The following TRPS1 variants were observed in gnomAD, a reference collection of about 807,000 sequenced individuals.
TRPS1 encodes the protein zinc finger transcription factor Trps1.
In TRPS1, 6 loss-of-function variants were observed where a neutral mutation model predicts 101.2. The ratio of observed to expected loss-of-function variants is 0.06; its 90% CI spans 0.03 to 0.12. The LOEUF is 0.12. Among genes scored for constraint, TRPS1 ranks in the 10% least tolerant of loss-of-function variants. The pLI, the probability that TRPS1 is intolerant of heterozygous loss-of-function variation, is 1.00. For missense variants in TRPS1, 1,363 were observed against 1,567.0 expected (o/e 0.87, Z 2.20); for synonymous variants, 578 against 589.8 (o/e 0.98, Z 0.29).
chr8:115,541,387 A>T (rs1816449991), intron 5 of TRPS1, among the ~76,000 whole-genome samples: 1 of 152,214 alleles, frequency 6.6e-6, no homozygotes, highest in African/African-American at 2.4e-5. Context: ...AACGATAAAG[A>T]ACAGGAAACT....
At chr8:115,615,058 A>G (rs551501667) in intron 3 of TRPS1, among the ~76,000 whole-genome samples, 1 of 152,310 alleles carries the variant, frequency 6.6e-6, no homozygotes, top group East Asian at 1.9e-4. Context: ...CAACACAGAA[A>G]TGTAACACTC....
At position 115,409,892 on chromosome 8, in the gene TRPS1, T is replaced by A. The variant is rs1377512630; in HGVS notation, c.*4131A>T. On this transcript the variant is annotated 3_prime_UTR_variant, in exon 7 of 7. Coordinates refer to ENST00000395715, the MANE Select transcript of TRPS1 (RefSeq NM_014112.5). ...GTCAGCAAGCTTTCACCTTACTGGC[T>A]CACCAAAGACGACTTGATCTTTTTT... 5 of 151,588 alleles carry A rather than the reference T, an allele frequency of 3.3e-5. No individual in the cohort carries two copies. Among genetic ancestry groups the A allele is most frequent in the Non-Finnish European group, 7.4e-5 (5 of 67,888 alleles). 9.4% of individuals were successfully genotyped at this position (151,588 alleles called of 1,614,324 possible). A position where few individuals can be genotyped will look rare whatever the true frequency, so the allele number is the denominator to read the frequency against.
intron 1 of TRPS1, among the ~76,000 whole-genome samples, chr8:115,656,414 C>A (rs1050806506): frequency 6.6e-6 from 1 of 152,028 alleles, no homozygotes; most frequent in Non-Finnish European, 1.5e-5. Context: ...TGTGTCTGGG[C>A]AGTATTTTAA....
intron 5 of TRPS1, among the ~76,000 whole-genome samples, chr8:115,543,692 G>A (rs1438491278): frequency 1.3e-5 from 2 of 151,982 alleles, no homozygotes; most frequent in Non-Finnish European, 2.9e-5. Context: ...TGTACCAGGA[G>A]AAGGTGAAAA....
chr8:115,503,794 T>C (rs780989655), intron 5 of TRPS1, among the ~76,000 whole-genome samples: 1 of 152,218 alleles, frequency 6.6e-6, no homozygotes, highest in Non-Finnish European at 1.5e-5. Flanking sequence ...TATGAGCTGA[T>C]AGAAAAGAAT....
intron 5 of TRPS1, among the ~76,000 whole-genome samples, chr8:115,468,942 C>A (rs978872544): frequency 2.0e-5 from 3 of 151,910 alleles, no homozygotes; most frequent in Non-Finnish European, 4.4e-5. Flanking sequence ...GAGTTTGAGA[C>A]CAGTCTGGGC....
chr8:115,467,278 T>C (rs1055971040), intron 5 of TRPS1, among the ~76,000 whole-genome samples: 1 of 152,122 alleles, frequency 6.6e-6, no homozygotes, highest in African/African-American at 2.4e-5. Flanking sequence ...AAAGCAGCTC[T>C]GGCCTGTGGA....
intron 5 of TRPS1, among the ~76,000 whole-genome samples, chr8:115,561,984 G>C (rs1312610673): frequency 3.9e-5 from 6 of 152,054 alleles, no homozygotes; most frequent in Non-Finnish European, 5.9e-5. Context: ...ACTTAATGAT[G>C]AACGAAGAAT....
chr8:115,436,711 G>C (rs1201392197), intron 5 of TRPS1, among the ~76,000 whole-genome samples: 1 of 152,080 alleles, frequency 6.6e-6, no homozygotes, highest in African/African-American at 2.4e-5. Context: ...CTGGGATCTT[G>C]TCAAAATGCA....
intron 4 of TRPS1, among the ~76,000 whole-genome samples, chr8:115,594,447 C>A (rs558892227): frequency 5.1e-4 from 78 of 151,636 alleles, no homozygotes; most frequent in African/African-American, 1.8e-3. Context: ...TTGGGACATA[C>A]TTTTATAAAA....
In TRPS1 at chr8:115,438,570, T is replaced by C. The variant is rs3808408; in HGVS notation, c.2701-20118A>G. Among the ~76,000 whole-genome samples, 69 of 152,296 alleles carry C rather than the reference T, an allele frequency of 4.5e-4. No individual in the cohort carries two copies. In the East Asian group the frequency reaches 0.012, roughly 26 times the overall value. ...ACCTAGTTTCCTCCTTCTTTCTTTA[T>C]ATATTTAGATACAGGGAGGGGGAAA... is the stretch of plus-strand genomic sequence containing the variant. On this transcript the variant is annotated intron_variant, in intron 5 of 6. Coordinates refer to ENST00000395715, the MANE Select transcript of TRPS1 (RefSeq NM_014112.5).
At position 115,533,450 on chromosome 8, in the gene TRPS1, T is replaced by TTTTTTTTTTTG. The variant is rs1816197846; in HGVS notation, c.2700+53550_2700+53551insCAAAAAAAAAA. 1.5e-5 allele frequency among the ~76,000 whole-genome samples: 2 copies of TTTTTTTTTTTG among 129,990 alleles called. 1 individual carries two copies. The highest frequency in any genetic ancestry group is 3.1e-5 in the Non-Finnish European group (2 of 64,108). The allele number at this position is 129,990 out of a possible 152,430, so 85.3% of individuals were successfully genotyped here. A position where few individuals can be genotyped will look rare whatever the true frequency, so the allele number is the denominator to read the frequency against. ...ACATGTAATCTGTTTTTTTTTTTTTTTTTTTTTTTCCTGAAAAAAATCATG... is the reference window on the plus strand; with the variant it reads ...ACATGTAATCTGTTTTTTTTTTTTTTTTTTTTTTTTGTTTTTTTTTCCTGAAAAAAATCATG... On this transcript the variant is annotated intron_variant, in intron 5 of 6. Transcript: ENST00000395715.
intron 4 of TRPS1, among the ~76,000 whole-genome samples, chr8:115,600,326 G>A (rs1449330498): frequency 1.3e-5 from 2 of 152,062 alleles, no homozygotes; most frequent in Non-Finnish European, 2.9e-5. Context: ...TGTCCATATG[G>A]TGAATTTTCG....
chr8:115,572,492 T>C (rs1370658907), intron 5 of TRPS1, among the ~76,000 whole-genome samples: 1 of 152,142 alleles, frequency 6.6e-6, no homozygotes, highest in Non-Finnish European at 1.5e-5. Flanking sequence ...CACTCTGTGG[T>C]ACCTGACACT....
chr8:115,505,770 A>T (rs1815427176), intron 5 of TRPS1, among the ~76,000 whole-genome samples: 1 of 152,160 alleles, frequency 6.6e-6, no homozygotes, highest in Non-Finnish European at 1.5e-5. Context: ...TTACCAAGTC[A>T]GGTCTTAAGA....
chr8:115,607,667 T>C (rs1469792718), intron 3 of TRPS1, among the ~76,000 whole-genome samples: 1 of 151,604 alleles, frequency 6.6e-6, no homozygotes, highest in African/African-American at 2.4e-5. Flanking sequence ...ATTAGTATTA[T>C]ATATTATTAA....
intron 5 of TRPS1, among the ~76,000 whole-genome samples, chr8:115,504,176 A>C (rs1427804723): frequency 6.6e-6 from 1 of 152,184 alleles, no homozygotes; most frequent in Non-Finnish European, 1.5e-5. Flanking sequence ...TCAGAAATGT[A>C]TTACATCTTA....
chr8:115,552,531 T>A (rs1294849143), intron 5 of TRPS1, among the ~76,000 whole-genome samples: 1 of 152,182 alleles, frequency 6.6e-6, no homozygotes, highest in African/African-American at 2.4e-5. Flanking sequence ...ATTTTATGCA[T>A]AACTTTTCAA....
In TRPS1 at chr8:115,410,736, G is replaced by A. The variant is rs1812769324; in HGVS notation, c.*3287C>T. The A allele has an allele frequency of 6.6e-6, 1 of 152,368 alleles. No individual in the cohort carries two copies. The highest frequency in any genetic ancestry group is 2.4e-5 in the African/African-American group (1 of 41,390). 9.4% of individuals were successfully genotyped at this position (152,368 alleles called of 1,614,324 possible). A position where few individuals can be genotyped will look rare whatever the true frequency, so the allele number is the denominator to read the frequency against. The stretch of plus-strand genomic sequence containing the variant: ...GAATGAGAACGCATGAGCTGGTCCT[G>A]GCCTAAAGTTTGATCCAAAGCTCAA... On this transcript the variant is annotated 3_prime_UTR_variant, in exon 7 of 7. Transcript: ENST00000395715.
Sources: gnomAD v4.1 joint callset for allele counts (sites outside exome capture counted in the v4.1 genomes callset) on GRCh38, gnomAD v4.1.1 for gene constraint, MANE v1.5 for transcripts, NCBI Gene and HGNC (gene_info 2026-07-23, HGNC 2026-07-21) for gene names.